MEST: variants seen among roughly 807,000 people sequenced by gnomAD.
MEST encodes the protein mesoderm specific transcript.
MEST carries 18 observed loss-of-function variants against 50.9 expected under a neutral mutation model. That is an observed-to-expected ratio of 0.35 (90% CI 0.24 to 0.52). The LOEUF is 0.52. Ranked by LOEUF, MEST falls within the 20% of genes least tolerant of loss-of-function variation. MEST has a pLI of 0.94. For synonymous variants in MEST, 130 were observed against 154.1 expected (o/e 0.84, Z 1.16); for missense variants, 282 against 425.3 (o/e 0.66, Z 2.96).
At chr7:130,496,386 C>T (rs1336982405) in intron 2 of MEST, 3 of 330,326 alleles carry the variant, frequency 9.1e-6, no homozygotes, top group African/African-American at 2.3e-5. Flanking sequence ...AAGAACAAAA[C>T]TCTTAGGCTA....
chr7:130,496,824 T>C (rs1799078783), intron 2 of MEST: 2 of 185,444 alleles, frequency 1.1e-5, no homozygotes, highest in Admixed American at 1.2e-4. Flanking sequence ...TAACTGAAAA[T>C]TTACTTTTCA....
intron 1 of MEST, 57 bp from the exon 2 acceptor site, chr7:130,495,311 T>C (rs1799004495): frequency 1.3e-6 from 2 of 1,529,974 alleles, no homozygotes; most frequent in Non-Finnish European, 1.8e-6. Flanking sequence ...TTTTGGTTTG[T>C]AGATGAGTGG....
Position 130,497,162 on chromosome 7 carries a change from T to C in MEST, c.188T>C (p.Val63Ala). 6.2e-7 allele frequency: 1 copy of C among 1,612,488 alleles called. No homozygotes were observed. Among genetic ancestry groups the C allele is most frequent in the Non-Finnish European group, 8.5e-7 (1 of 1,179,156 alleles). ...KGLRIFYQDSVGVVGSPEIVV... is the reference protein window; with the variant it reads ...KGLRIFYQDSAGVVGSPEIVV... ...GTACTTTCCTTCTTCCTAGACTCTG[T>C]GGGTGTGGTTGGAAGTCCAGAGATA... Residue 63 changes from valine to alanine, a missense_variant, in exon 3 of 12, where the codon GTG becomes GCG. Val to Ala is a moderately conservative substitution (Grantham distance 64, BLOSUM62 0). Transcript: ENST00000223215. The surrounding 1 kb of genome is among the most constrained non-coding windows in gnomAD (Gnocchi z 4.0).
intron 1 of MEST, chr7:130,494,901 AT>A: frequency 2.1e-6 from 2 of 939,242 alleles, no homozygotes; most frequent in Non-Finnish European, 2.5e-6. Flanking sequence ...GCACATATAT[AT>A]TTTTTGAACA....
upstream of MEST, chr7:130,491,041 A>ACCGG (rs1253799126): frequency 6.6e-6 from 1 of 152,228 alleles, no homozygotes; most frequent in Non-Finnish European, 1.5e-5. The surrounding 1 kb of genome is among the most constrained non-coding windows in gnomAD (Gnocchi z 6.8). Flanking sequence ...TGCAGCGGGC[A>ACCGG]CCGGCCGGCC....
chr7:130,500,653 G>T lies in MEST; in HGVS notation c.647+121G>T. 1 of 1,251,756 alleles carries T rather than the reference G, an allele frequency of 8.0e-7. No homozygotes were observed. The highest frequency in any genetic ancestry group is 1.1e-6 in the Non-Finnish European group (1 of 888,272). The allele number at this position is 1,251,756 out of a possible 1,614,324, so 77.5% of individuals were successfully genotyped here. On this transcript the variant is annotated intron_variant, in intron 8 of 11. Transcript: ENST00000223215. This position sits in a 1 kb window ranked among gnomAD's most constrained non-coding sequence, Gnocchi z 5.0. Reference sequence around the variant, plus strand: ...AAGCAAAGGTGTTGGCCGCTTGCCAGGGAAGTAGAAGGAATTCATAAATCA... The same window carrying T: ...AAGCAAAGGTGTTGGCCGCTTGCCATGGAAGTAGAAGGAATTCATAAATCA...
In MEST at chr7:130,500,754, T is replaced by G; in HGVS notation, c.648-35T>G. On this transcript the variant is annotated intron_variant, in intron 8 of 11. Transcript: ENST00000223215. This position sits in a 1 kb window ranked among gnomAD's most constrained non-coding sequence, Gnocchi z 5.0. ...CCATATTGAACATTCTGAGTTCTCC[T>G]CACACTTATCTTCCTGCGTTTTGGA... is the stretch of plus-strand genomic sequence containing the variant. 1 of 1,564,972 alleles carries G rather than the reference T, an allele frequency of 6.4e-7. No individual in the cohort carries two copies. Among genetic ancestry groups the G allele is most frequent in the Non-Finnish European group, 8.7e-7 (1 of 1,146,302 alleles).
rs1799462451 is a variant in MEST at position 130,505,946 on chromosome 7, A to G, written c.*890A>G. 1 of 152,422 alleles carries G rather than the reference A, an allele frequency of 6.6e-6. No individual in the cohort carries two copies. The highest frequency in any genetic ancestry group is 1.5e-5 in the Non-Finnish European group (1 of 68,044). The allele number at this position is 152,422 out of a possible 1,614,324, so 9.4% of individuals were successfully genotyped here. A position where few individuals can be genotyped will look rare whatever the true frequency, so the allele number is the denominator to read the frequency against. On this transcript the variant is annotated 3_prime_UTR_variant, in exon 12 of 12. Transcript: ENST00000223215. ...CTTGAGCTACAGTAGAGGGGAAGGGATTGTTGTGTAGTCAAGTCACCATGC... is the reference window on the plus strand; with the variant it reads ...CTTGAGCTACAGTAGAGGGGAAGGGGTTGTTGTGTAGTCAAGTCACCATGC...
Position 130,495,361 on chromosome 7 carries a change from C to A in MEST, c.27-7C>A. On this transcript the variant is annotated splice_polypyrimidine_tract_variant and splice_region_variant and intron_variant, in intron 1 of 11. Transcript: ENST00000223215. ...CTGCTTACAGTGGGTCTCTGCTTTT[C>A]CTACAGGATGAGGGAGTGGTGGGTC... is the stretch of plus-strand genomic sequence containing the variant. The A allele has an allele frequency of 6.3e-7, 1 of 1,599,544 alleles. No homozygotes were observed. Among genetic ancestry groups the A allele is most frequent in the Non-Finnish European group, 8.5e-7 (1 of 1,172,332 alleles).
chr7:130,497,953 C>T lies in MEST; in HGVS notation c.279C>T (p.Thr93=), dbSNP rs782188991. Residue 93 remains threonine (T), a synonymous_variant, in exon 4 of 12, where the codon ACC becomes ACT. Transcript: ENST00000223215. This position sits in a 1 kb window ranked among gnomAD's most constrained non-coding sequence, Gnocchi z 4.0. The stretch of plus-strand genomic sequence containing the variant: ...TCTTGTAGATTTGGGAAGGTCTGAC[C>T]TTGAGGTTTCATCGGGTGATTGCCC... ...YDWYKIWEGL[T]LRFHRVIALD... is the part of the protein sequence containing the mutation. The T allele has an allele frequency of 3.1e-6, 5 of 1,614,074 alleles. No homozygotes were observed. The Admixed American group carries it at 6.7e-5, about 22-fold the overall frequency.
At chr7:130,487,967 G>A (rs1340294983), upstream of MEST, 1 of 152,356 alleles carries the variant, frequency 6.6e-6, no homozygotes, top group African/African-American at 2.4e-5. Context: ...TTGGTTGAGA[G>A]CGGGCTCGAT....
chr7:130,503,460 G>A (rs1799353000), intron 10 of MEST, among the ~76,000 whole-genome samples: 1 of 152,128 alleles, frequency 6.6e-6, no homozygotes, highest in Non-Finnish European at 1.5e-5. Context: ...GTTTTTTAGA[G>A]GTTACCTAAT....
chr7:130,495,553 G>GT, intron 2 of MEST, 31 bp downstream of exon 2: 2 of 1,603,826 alleles, frequency 1.2e-6, no homozygotes, highest in Non-Finnish European at 1.7e-6. Context: ...AGTCCTGCGT[G>GT]TATCGGTCAC....
In MEST at chr7:130,497,967, G is replaced by A. The variant is rs536439690; in HGVS notation, c.293G>A (p.Arg98Gln). The change falls in exon 4 of 12, where the codon CGG becomes CAG. Residue 98 changes from arginine (R) to glutamine (Q), a missense_variant. Coordinates refer to ENST00000223215, the MANE Select transcript of MEST (RefSeq NM_002402.4). The surrounding 1 kb of genome is among the most constrained non-coding windows in gnomAD (Gnocchi z 4.0). Reference sequence around the variant, plus strand: ...GAAGGTCTGACCTTGAGGTTTCATCGGGTGATTGCCCTTGATTTCTTAGGC... The same window carrying A: ...GAAGGTCTGACCTTGAGGTTTCATCAGGTGATTGCCCTTGATTTCTTAGGC... ...IWEGLTLRFH[R>Q]VIALDFLGFG... 8.1e-6 allele frequency: 13 copies of A among 1,614,168 alleles called. No individual in the cohort carries two copies. Among genetic ancestry groups the A allele is most frequent in the African/African-American group, 2.7e-5 (2 of 75,032 alleles).
upstream of MEST, chr7:130,491,134 T>C (rs1798794639): frequency 6.6e-6 from 1 of 152,282 alleles, no homozygotes; most frequent in Non-Finnish European, 1.5e-5. This position sits in a 1 kb window ranked among gnomAD's most constrained non-coding sequence, Gnocchi z 6.8. Flanking sequence ...CACTTCGTGA[T>C]ACTCTACACT....
chr7:130,493,907 T>C (rs1798935306), intron 1 of MEST, among the ~76,000 whole-genome samples: 1 of 152,198 alleles, frequency 6.6e-6, no homozygotes, highest in African/African-American at 2.4e-5. Context: ...CCTGCTATTG[T>C]TGGGTGAAAA....
intron 11 of MEST, among the ~76,000 whole-genome samples, chr7:130,504,271 A>G (rs1799390050): frequency 1.3e-5 from 2 of 152,252 alleles, no homozygotes; most frequent in African/African-American, 4.8e-5. Context: ...CTCTCATGTG[A>G]GTCAAAGGTT....
At chr7:130,495,553 G>T in intron 2 of MEST, 31 bp downstream of exon 2, 2 of 1,603,826 alleles carry the variant, frequency 1.2e-6, no homozygotes, top group Non-Finnish European at 1.7e-6. Flanking sequence ...AGTCCTGCGT[G>T]TATCGGTCAC....
intron 2 of MEST, chr7:130,495,862 T>C (rs1436483443): frequency 3.4e-6 from 1 of 292,118 alleles, no homozygotes; most frequent in Non-Finnish European, 6.5e-6. Context: ...CTCCTTACCA[T>C]CCCTGATTTC....
Sources: allele counts gnomAD v4.1 joint callset (sites outside exome capture counted in the v4.1 genomes callset), GRCh38; gene constraint gnomAD v4.1.1; non-coding constraint Gnocchi (gnomAD v3.1); transcripts MANE v1.5; gene names NCBI Gene and HGNC (gene_info 2026-07-23, HGNC 2026-07-21).